Variants in GPC5 observed in about 807,000 individuals in gnomAD.
GPC5 encodes the protein glypican-5.
In GPC5, 47 loss-of-function variants were observed where a neutral mutation model predicts 53.9. The observed-to-expected ratio is 0.87, with a 90% confidence interval of 0.69 to 1.11. GPC5 has a LOEUF of 1.11. GPC5 is among the 50% of genes most tolerant of loss of function. The pLI is 0.00. For missense variants in GPC5, 748 were observed against 713.1 expected, an observed-to-expected ratio of 1.05 and a Z score of -0.56; for synonymous variants, 286 against 263.3, an observed-to-expected ratio of 1.09 and a Z score of -0.84.
At chr13:92,602,187 CAT>C (rs1263496724) in intron 7 of GPC5, among the ~76,000 whole-genome samples, 18 of 133,032 alleles carry the variant, frequency 1.4e-4, no homozygotes, top group Middle Eastern at 4.0e-3. Flanking sequence ...ATATATATTA[CAT>C]ATATATAAAT....
chr13:91,851,163 A>C (rs1427542623), intron 5 of GPC5, among the ~76,000 whole-genome samples: 1 of 152,184 alleles, frequency 6.6e-6, no homozygotes, highest in East Asian at 1.9e-4. Flanking sequence ...TGTTTCTGAC[A>C]GAAAAAAGAC....
At chr13:92,462,431 G>A (rs895600889) in intron 7 of GPC5, among the ~76,000 whole-genome samples, 12 of 152,146 alleles carry the variant, frequency 7.9e-5, no homozygotes, top group Non-Finnish European at 1.2e-4. Flanking sequence ...TGAGTCCCAC[G>A]TTTTGGCTTG....
chr13:92,850,828 T>G (rs1187492729), intron 7 of GPC5, among the ~76,000 whole-genome samples: 1 of 152,168 alleles, frequency 6.6e-6, no homozygotes, highest in African/African-American at 2.4e-5. Context: ...AGGGTAAAAG[T>G]AAAAGTATTA....
intron 7 of GPC5, among the ~76,000 whole-genome samples, chr13:92,802,407 T>G (rs529156257): frequency 6.6e-6 from 1 of 151,904 alleles, no homozygotes; most frequent in South Asian, 2.1e-4. Flanking sequence ...GTATGTGTAT[T>G]TATTTATTTG....
At chr13:92,324,916 A>G (rs2043240264) in intron 7 of GPC5, among the ~76,000 whole-genome samples, 1 of 151,934 alleles carries the variant, frequency 6.6e-6, no homozygotes, top group African/African-American at 2.4e-5. Context: ...CACCCCCAAA[A>G]TACTTAATAT....
chr13:92,446,339 G>A lies in GPC5; in HGVS notation c.1561+301350G>A, dbSNP rs571293383. 4.0e-5 allele frequency: 6 copies of A among 151,306 alleles called. No homozygotes were observed. In the East Asian group the frequency reaches 1.2e-3, roughly 29 times the overall value. The allele number at this position is 151,306 out of a possible 1,614,324, so 9.4% of individuals were successfully genotyped here. A position where few individuals can be genotyped will look rare whatever the true frequency, so the allele number is the denominator to read the frequency against. ...ATTTTTAGCTCCCACAAATAAGTGA[G>A]AAAATGTGTATTTGTCTTTCTGTGC... On this transcript the variant is annotated intron_variant, in intron 7 of 7. Transcript: ENST00000377067.
intron 5 of GPC5, among the ~76,000 whole-genome samples, chr13:91,874,244 T>G (rs751028307): frequency 3.3e-5 from 5 of 152,146 alleles, no homozygotes; most frequent in Non-Finnish European, 7.4e-5. Flanking sequence ...ACGATTAATT[T>G]TATAGTCACC....
At chr13:92,550,842 A>G (rs1234398009) in intron 7 of GPC5, among the ~76,000 whole-genome samples, 1 of 151,950 alleles carries the variant, frequency 6.6e-6, no homozygotes, top group Non-Finnish European at 1.5e-5. Flanking sequence ...TCAGTGAGGC[A>G]GAAAACAAAC....
intron 7 of GPC5, among the ~76,000 whole-genome samples, chr13:92,523,659 ATTAGT>A (rs1453991364): frequency 1.3e-5 from 2 of 152,096 alleles, no homozygotes; most frequent in Admixed American, 1.3e-4. Flanking sequence ...AAACATTTAA[ATTAGT>A]TAAAAAGAAG....
intron 5 of GPC5, among the ~76,000 whole-genome samples, chr13:91,768,624 A>C (rs960197429): frequency 1.3e-5 from 2 of 152,180 alleles, no homozygotes; most frequent in African/African-American, 4.8e-5. Context: ...AATATTGTTC[A>C]TTTTTGGATT....
At chr13:91,575,914 A>G (rs75413918) in intron 2 of GPC5, among the ~76,000 whole-genome samples, 14,665 of 152,262 alleles carry the variant, frequency 0.096, 814 homozygotes, top group South Asian at 0.32. Flanking sequence ...AATTCTAAAA[A>G]ATAAAGAGAA....
At chr13:91,770,991 A>G (rs2037614426) in intron 5 of GPC5, among the ~76,000 whole-genome samples, 1 of 152,172 alleles carries the variant, frequency 6.6e-6, no homozygotes, top group Non-Finnish European at 1.5e-5. Context: ...GAAAATATAA[A>G]TCTTCTTTGC....
At chr13:92,297,765 G>C (rs144684012) in intron 7 of GPC5, among the ~76,000 whole-genome samples, 1 of 151,994 alleles carries the variant, frequency 6.6e-6, no homozygotes, top group East Asian at 2.0e-4. Flanking sequence ...CAGGCTGCCC[G>C]AGCCAGCATT....
At chr13:91,419,949 G>A (rs1205509155) in intron 1 of GPC5, among the ~76,000 whole-genome samples, 1 of 152,154 alleles carries the variant, frequency 6.6e-6, no homozygotes, top group Non-Finnish European at 1.5e-5. Context: ...TTAGACTACA[G>A]AAGATGTTTC....
chr13:91,867,450 TA>T (rs1167353714), intron 5 of GPC5, among the ~76,000 whole-genome samples: 1 of 152,212 alleles, frequency 6.6e-6, no homozygotes, highest in Non-Finnish European at 1.5e-5. Context: ...CTGTGTCACT[TA>T]CTAAAACATA....
chr13:92,703,621 TA>T (rs10711246), intron 7 of GPC5, among the ~76,000 whole-genome samples: 10,406 of 149,842 alleles, frequency 0.069, 416 homozygotes, highest in South Asian at 0.16. Flanking sequence ...AATTGATGTA[TA>T]ATTTTTTTAT....
chr13:91,958,160 T>A (rs1448697544), intron 6 of GPC5, among the ~76,000 whole-genome samples: 7 of 146,478 alleles, frequency 4.8e-5, no homozygotes, highest in Admixed American at 1.4e-4. Flanking sequence ...TAAAGACACA[T>A]ATAGACTGAA....
At position 91,542,538 on chromosome 13, in the gene GPC5, T is replaced by C. The variant is rs139996043; in HGVS notation, c.325+93616T>C. 2.9e-4 allele frequency among the ~76,000 whole-genome samples: 44 copies of C among 152,316 alleles called. No individual in the cohort carries two copies. The East Asian group carries it at 7.9e-3, about 27-fold the overall frequency. ...GTTAGTTTTTGCATCAGAGCCAGTG[T>C]ATGTGTAGGACACGAGCGCAGTTGA... On this transcript the variant is annotated intron_variant, in intron 2 of 7. Coordinates refer to ENST00000377067, the MANE Select transcript of GPC5 (RefSeq NM_004466.6).
chr13:92,056,001 A>G (rs944904216), intron 6 of GPC5, among the ~76,000 whole-genome samples: 8 of 152,172 alleles, frequency 5.3e-5, no homozygotes, highest in Non-Finnish European at 1.2e-4. Flanking sequence ...TATGTTAGCT[A>G]TCATTAAAAA....
Sources: allele counts gnomAD v4.1 joint callset (sites outside exome capture counted in the v4.1 genomes callset), GRCh38; gene constraint gnomAD v4.1.1; transcripts MANE v1.5; gene names NCBI Gene and HGNC (gene_info 2026-07-23, HGNC 2026-07-21).